Variants in FLT1 observed in about 807,000 individuals in gnomAD.
FLT1 encodes the protein vascular endothelial growth factor receptor 1.
Under a neutral mutation model 156.3 loss-of-function variants are expected in FLT1, and 49 were observed. The ratio of observed to expected loss-of-function variants is 0.31; its 90% CI spans 0.25 to 0.40. The LOEUF (loss-of-function observed/expected upper bound fraction) is 0.40, where lower values mean the gene tolerates loss of function less well. Among genes scored for constraint, FLT1 ranks in the 10% least tolerant of loss-of-function variants. The pLI is 1.00. For missense variants in FLT1, 1,322 were observed against 1,637.2 expected, an observed-to-expected ratio of 0.81 and a Z score of 3.32; for synonymous variants, 594 against 583.8, an observed-to-expected ratio of 1.02 and a Z score of -0.25.
At chr13:28,417,694 G>T (rs1876738960) in intron 10 of FLT1, among the ~76,000 whole-genome samples, 1 of 149,470 alleles carries the variant, frequency 6.7e-6, no homozygotes. Flanking sequence ...TGAGATGGGG[G>T]TCCTGCTATG....
rs1308124512 is a variant in FLT1, at chr13:28,422,044, TTGTA to T, written c.1436+5111_1436+5114del. Among the ~76,000 whole-genome samples the T allele has an allele frequency of 1.2e-4, 18 of 152,360 alleles. No homozygotes were observed. In the South Asian group the frequency reaches 3.3e-3, roughly 28 times the overall value. ...AAGTAATCACCAAATATGTTTAATC[TTGTA>T]TAATGCAAACATAAATGCTAAAGAC... On this transcript the variant is annotated intron_variant, in intron 10 of 29. Coordinates refer to ENST00000282397, the MANE Select transcript of FLT1 (RefSeq NM_002019.4).
rs1460073734 is a variant in FLT1 at position 28,494,848 on chromosome 13, A to G, written c.-5T>C. ...GGTGTCCCAGTAGCTGACCATGGTG[A>G]GCGCGACGCGGCCTGCTCGCCCGGT... On this transcript the variant is annotated 5_prime_UTR_variant, in exon 1 of 30. Coordinates refer to ENST00000282397, the MANE Select transcript of FLT1 (RefSeq NM_002019.4). The G allele has an allele frequency of 1.3e-6, 2 of 1,551,822 alleles. No individual in the cohort carries two copies. The highest frequency in any genetic ancestry group is 1.8e-5 in the Admixed American group (1 of 54,230).
intron 14 of FLT1, among the ~76,000 whole-genome samples, chr13:28,371,749 A>C (rs1873578642): frequency 6.6e-6 from 1 of 152,104 alleles, no homozygotes; most frequent in Non-Finnish European, 1.5e-5. Flanking sequence ...GAAACCTGAA[A>C]AGGCATTTAA....
chr13:28,458,547 T>C (rs1183062640), intron 3 of FLT1, among the ~76,000 whole-genome samples: 1 of 152,208 alleles, frequency 6.6e-6, no homozygotes, highest in African/African-American at 2.4e-5. Context: ...CCTAGGAGAA[T>C]ACAGGGTCTG....
In FLT1 at chr13:28,417,809, G is replaced by A. The variant is rs562069498; in HGVS notation, c.1436+9350C>T. ...TTCTTCAATGCTGAGTGAATTAATC[G>A]TTTGAAGTGACTAGGTCAAGGCATG... On this transcript the variant is annotated intron_variant, in intron 10 of 29. Transcript: ENST00000282397. Among the ~76,000 whole-genome samples the A allele has an allele frequency of 1.1e-4, 17 of 152,014 alleles. 1 individual carries two copies. In the South Asian group the frequency reaches 1.5e-3, roughly 13 times the overall value.
In FLT1 at chr13:28,300,805, TGTTA is replaced by T. The variant is rs1870484056; in HGVS notation, c.*2358_*2361del. Reference sequence around the variant, plus strand: ...ACTCTGAAAGGAAGTGCTCGTTCTTTGTTAGTGCCAACCATTTTTGTCATAAATG... The same window carrying T: ...ACTCTGAAAGGAAGTGCTCGTTCTTTGTGCCAACCATTTTTGTCATAAATG... On this transcript the variant is annotated 3_prime_UTR_variant, in exon 30 of 30. Transcript: ENST00000282397. 1 of 233,204 alleles carries T rather than the reference TGTTA, an allele frequency of 4.3e-6. No individual in the cohort carries two copies. The highest frequency in any genetic ancestry group is 1.8e-4 in the South Asian group (1 of 5,538). The allele number at this position is 233,204 out of a possible 1,614,324, so 14.4% of individuals were successfully genotyped here.
At chr13:28,473,207 G>T (rs1880274528) in intron 1 of FLT1, among the ~76,000 whole-genome samples, 1 of 152,168 alleles carries the variant, frequency 6.6e-6, no homozygotes, top group Non-Finnish European at 1.5e-5. Context: ...TTCCTCGATG[G>T]TTAAACATAA....
chr13:28,399,082 T>G, intron 11 of FLT1: 1 of 1,551,248 alleles, frequency 6.4e-7, no homozygotes, highest in African/African-American at 1.4e-5. Context: ...GAGAAGCTTG[T>G]AGGTGGCAAC....
intron 13 of FLT1, chr13:28,388,562 G>A (rs1037942844): frequency 1.7e-5 from 18 of 1,048,714 alleles, no homozygotes; most frequent in Middle Eastern, 4.3e-4. Context: ...TCCCTCAAAC[G>A]CAAGCTTAAA....
chr13:28,364,398 G>T (rs995692572), intron 14 of FLT1, among the ~76,000 whole-genome samples: 2 of 151,996 alleles, frequency 1.3e-5, no homozygotes, highest in African/African-American at 4.8e-5. Context: ...TTAATACAAA[G>T]CTTTAAATTT....
intron 19 of FLT1, among the ~76,000 whole-genome samples, chr13:28,329,067 A>C (rs17086569): frequency 0.012 from 1,870 of 152,308 alleles, 46 homozygotes; most frequent in African/African-American, 0.042. Flanking sequence ...TGCTGGCTCA[A>C]ACAATGATCA....
In FLT1 at chr13:28,372,781, C is replaced by T. The variant is rs113700210; in HGVS notation, c.2116+12104G>A. ...CCTGTAGTCTCAGCTACTTGGAAGG[C>T]TGAGGCAGGAGAATCGCTTGAACCC... On this transcript the variant is annotated intron_variant, in intron 14 of 29. Coordinates refer to ENST00000282397, the MANE Select transcript of FLT1 (RefSeq NM_002019.4). Among the ~76,000 whole-genome samples the T allele has an allele frequency of 5.6e-3, 844 of 151,540 alleles. 2 individuals are homozygous for T. Among genetic ancestry groups the T allele is most frequent in the African/African-American group, 0.019 (788 of 41,356 alleles).
intron 14 of FLT1, among the ~76,000 whole-genome samples, chr13:28,382,495 T>C (rs951961446): frequency 2.6e-5 from 4 of 152,080 alleles, no homozygotes; most frequent in Admixed American, 2.6e-4. Context: ...GGTTGAAGAG[T>C]TGGAGCCGGT....
intron 14 of FLT1, among the ~76,000 whole-genome samples, chr13:28,376,096 A>G (rs543284400): frequency 9.9e-4 from 150 of 152,166 alleles, no homozygotes; most frequent in Non-Finnish European, 1.8e-3. Flanking sequence ...TCCTGGATCT[A>G]GTCAAATCAC....
chr13:28,402,995 G>C (rs968498177), intron 11 of FLT1, among the ~76,000 whole-genome samples: 2 of 151,940 alleles, frequency 1.3e-5, no homozygotes, highest in Non-Finnish European at 1.5e-5. Flanking sequence ...GGCCAGGCTG[G>C]TATTGAACTC....
At chr13:28,489,045 GCTTTGGT>G in intron 1 of FLT1, among the ~76,000 whole-genome samples, 1 of 152,342 alleles carries the variant, frequency 6.6e-6, no homozygotes, top group African/African-American at 2.4e-5. Flanking sequence ...CCAGAGCCTG[GCTTTGGT>G]GGCTCACAGG....
chr13:28,343,937 C>G (rs529510884), intron 16 of FLT1, among the ~76,000 whole-genome samples: 1 of 152,098 alleles, frequency 6.6e-6, no homozygotes, highest in Non-Finnish European at 1.5e-5. Flanking sequence ...CCACCGCGCC[C>G]GGCAGCCACC....
chr13:28,316,415 A>C (rs941021188), intron 25 of FLT1, among the ~76,000 whole-genome samples: 2 of 152,260 alleles, frequency 1.3e-5, no homozygotes, highest in African/African-American at 4.8e-5. Context: ...GTGCCGCCTC[A>C]GGGAGGCCCA....
Position 28,472,485 on chromosome 13 carries a change from G to A in FLT1, c.65-4868C>T, listed in dbSNP as rs114602274. Among the ~76,000 whole-genome samples the A allele has an allele frequency of 1.6e-3, 238 of 152,324 alleles. 4 individuals are homozygous for A. The highest frequency in any genetic ancestry group is 5.4e-3 in the African/African-American group (225 of 41,578). On this transcript the variant is annotated intron_variant, in intron 1 of 29. Coordinates refer to ENST00000282397, the MANE Select transcript of FLT1 (RefSeq NM_002019.4). ...GTCTGTAAAGTCTGACTAAGAGTATGTTTAGAAAACTGCTATTTTTACTAA... is the reference window on the plus strand; with the variant it reads ...GTCTGTAAAGTCTGACTAAGAGTATATTTAGAAAACTGCTATTTTTACTAA...
Sources: allele counts gnomAD v4.1 joint callset (sites outside exome capture counted in the v4.1 genomes callset), GRCh38; gene constraint gnomAD v4.1.1; transcripts MANE v1.5; gene names NCBI Gene and HGNC (gene_info 2026-07-23, HGNC 2026-07-21).